The following KIF4B variants were observed in gnomAD, a reference collection of about 807,000 sequenced individuals.
The protein encoded by KIF4B is kinesin family member 4B.
A neutral mutation model predicts 69.0 loss-of-function variants in KIF4B; 60 were observed. The observed-to-expected ratio is 0.87, with a 90% CI of 0.71 to 1.08. KIF4B has a LOEUF of 1.08. Among genes scored for constraint, KIF4B ranks in the 50% least tolerant of loss-of-function variants. The pLI, the probability that KIF4B is intolerant of heterozygous loss-of-function variation, is 0.00. For missense variants in KIF4B, 1,357 were observed against 1,451.9 expected (o/e 0.93, Z 1.06); for synonymous variants, 489 against 533.0 (o/e 0.92, Z 1.14).
rs1461173358 is a variant in KIF4B at position 155,014,874 on chromosome 5, A to G, written c.1015A>G (p.Lys339Glu). The G allele has an allele frequency of 6.2e-7, 1 of 1,614,058 alleles. No homozygotes were observed. Among genetic ancestry groups the G allele is most frequent in the Non-Finnish European group, 8.5e-7 (1 of 1,180,032 alleles). The change falls in exon 1 of 1, where the codon AAA becomes GAA. Residue 339 changes from lysine (K) to glutamate (E), a missense_variant. Coordinates refer to ENST00000435029, the MANE Select transcript of KIF4B (RefSeq NM_001099293.3). ...TGACAGAGCAAGAAAAATCAAGAAC[A>G]AACCTATTGTTAATATTGATCCCCA... is the stretch of plus-strand genomic sequence containing the variant. ...YADRARKIKN[K>E]PIVNIDPHTA...
In KIF4B at chr5:155,013,761, G is replaced by A; in HGVS notation, c.-99G>A. 1 of 1,553,142 alleles carries A rather than the reference G, an allele frequency of 6.4e-7. No individual in the cohort carries two copies. The highest frequency in any genetic ancestry group is 8.7e-7 in the Non-Finnish European group (1 of 1,147,218). ...TGGTTGGTGTCTCTGGGAGGGATTT[G>A]AAACTTGGCGGTTAAAGCTCCGGCT... On this transcript the variant is annotated 5_prime_UTR_variant, in exon 1 of 1. Coordinates refer to ENST00000435029, the MANE Select transcript of KIF4B (RefSeq NM_001099293.3).
chr5:155,015,141 G>GA lies in KIF4B; in HGVS notation c.1287dup (p.Leu430ThrfsTer39). On this transcript the variant is annotated frameshift_variant, in exon 1 of 1. Transcript: ENST00000435029. LOFTEE classifies it high-confidence loss of function. Reference sequence around the variant, plus strand: ...GATCATTTTGACAGAGCAAGTGAATGAAAAACTGAACGCCAAGCTAGAAGA... The same window carrying GA: ...GATCATTTTGACAGAGCAAGTGAATGAAAAAACTGAACGCCAAGCTAGAAGA... 6.2e-7 allele frequency: 1 copy of GA among 1,614,222 alleles called. No individual in the cohort carries two copies. The highest frequency in any genetic ancestry group is 1.1e-5 in the South Asian group (1 of 91,086).
rs932310107 is a variant in KIF4B at position 155,017,637 on chromosome 5, T to A, written c.*73T>A. ...CCAGTTGCAGCCAGAAGGGGTTTTT[T>A]AAATGACTTCTCTGGATTTCAGGTT... On this transcript the variant is annotated 3_prime_UTR_variant, in exon 1 of 1. Transcript: ENST00000435029. 6.6e-7 allele frequency: 1 copy of A among 1,508,810 alleles called. No homozygotes were observed. Among genetic ancestry groups the A allele is most frequent in the Non-Finnish European group, 8.8e-7 (1 of 1,134,268 alleles). The allele number at this position is 1,508,810 out of a possible 1,614,324, so 93.5% of individuals were successfully genotyped here. A position where few individuals can be genotyped will look rare whatever the true frequency, so the allele number is the denominator to read the frequency against.
chr5:155,015,632 A>T lies in KIF4B; in HGVS notation c.1773A>T (p.Gln591His). The T allele has an allele frequency of 6.2e-7, 1 of 1,614,224 alleles. No homozygotes were observed. Among genetic ancestry groups the T allele is most frequent in the Non-Finnish European group, 8.5e-7 (1 of 1,180,040 alleles). ...ELQTAKKNVN[Q>H]AKLSEHRHKL... ...AGACAGCAAAGAAGAATGTCAACCA[A>T]GCCAAGCTGAGTGAGCACCGCCACA... Residue 591 changes from glutamine (Q) to histidine (H), a missense_variant, in exon 1 of 1, where the codon CAA (glutamine) becomes CAT (histidine). Coordinates refer to ENST00000435029, the MANE Select transcript of KIF4B (RefSeq NM_001099293.3).
In KIF4B at chr5:155,017,223, C is replaced by T. The variant is rs181007636; in HGVS notation, c.3364C>T (p.Arg1122Cys). The T allele has an allele frequency of 1.9e-5, 31 of 1,614,126 alleles. No homozygotes were observed. Among genetic ancestry groups the T allele is most frequent in the East Asian group, 1.8e-4 (8 of 44,870 alleles). ...CTGTGACCCCACAAAGTGTCGGAAC[C>T]GCCAGCAAGGCAAGGATAGCTTGGG... The part of the protein sequence containing the change: ...CSCDPTKCRN[R>C]QQGKDSLGTV... Residue 1122 changes from arginine to cysteine, a missense_variant, in exon 1 of 1, where the codon CGC (arginine) becomes TGC (cysteine). Transcript: ENST00000435029.
In KIF4B at chr5:155,015,105, A is replaced by G. The variant is rs773412492; in HGVS notation, c.1246A>G (p.Met416Val). The G allele has an allele frequency of 4.3e-6, 7 of 1,614,096 alleles. No individual in the cohort carries two copies. In the Admixed American group the frequency reaches 5.0e-5, roughly 12 times the overall value. The change falls in exon 1 of 1, where the codon ATG (methionine) becomes GTG (valine). Residue 416 changes from methionine (M) to valine (V), a missense_variant. Transcript: ENST00000435029. ...CAAGGCAGCTGGTCAGACAGCCCAG[A>G]TGTTGGAGAGGATCATTTTGACAGA... ...LSKAAGQTAQMLERIILTEQV... is the reference protein window; with the variant it reads ...LSKAAGQTAQVLERIILTEQV...
chr5:155,017,111 C>T lies in KIF4B; in HGVS notation c.3252C>T (p.Asn1084=), dbSNP rs530590131. Residue 1084 remains asparagine (N), a synonymous_variant, in exon 1 of 1, where the codon AAC becomes AAT. Transcript: ENST00000435029. The part of the protein sequence containing the change: ...PTKLVKVSRK[N]IQGCSCKGWC... The stretch of plus-strand genomic sequence containing the variant: ...AATTAGTCAAGGTGTCCAGGAAGAA[C>T]ATCCAAGGGTGTTCCTGCAAGGGCT... The T allele has an allele frequency of 6.2e-7, 1 of 1,614,132 alleles. No individual in the cohort carries two copies. Among genetic ancestry groups the T allele is most frequent in the South Asian group, 1.1e-5 (1 of 91,080 alleles).
At position 155,017,433 on chromosome 5, in the gene KIF4B, C is replaced by T. The variant is rs755257454; in HGVS notation, c.3574C>T (p.Leu1192Phe). ...TGCTCCAGCTCCCTCCCCTTTTGAC[C>T]TCCCAGAGTCGAAACATGGAGCAAC... ...KTAPAPSPFD[L>F]PESKHGATEY... The change falls in exon 1 of 1, where the codon CTC becomes TTC. Residue 1192 changes from leucine to phenylalanine, a missense_variant. By Grantham distance (22) the Leu-to-Phe change is conservative. Transcript: ENST00000435029. 1.9e-6 allele frequency: 3 copies of T among 1,614,170 alleles called. No homozygotes were observed. In the Admixed American group the frequency reaches 5.0e-5, roughly 27 times the overall value.
chr5:155,016,000 T>C lies in KIF4B; in HGVS notation c.2141T>C (p.Leu714Pro), dbSNP rs563300358. The change falls in exon 1 of 1, where the codon CTC becomes CCC. Residue 714 changes from leucine (L) to proline (P), a missense_variant. Coordinates refer to ENST00000435029, the MANE Select transcript of KIF4B (RefSeq NM_001099293.3). ...TEEAAAANKRLKDALQKQREV... is the reference protein window; with the variant it reads ...TEEAAAANKRPKDALQKQREV... ...GAGGCAGCAGCTGCCAACAAGCGAC[T>C]CAAGGATGCTCTCCAGAAACAACGA... 4 of 1,614,144 alleles carry C rather than the reference T, an allele frequency of 2.5e-6. No homozygotes were observed. In the East Asian group the frequency reaches 8.9e-5, roughly 36 times the overall value.
chr5:155,016,803 C>G lies in KIF4B; in HGVS notation c.2944C>G (p.Gln982Glu). The G allele has an allele frequency of 6.2e-7, 1 of 1,614,174 alleles. No individual in the cohort carries two copies. The highest frequency in any genetic ancestry group is 8.5e-7 in the Non-Finnish European group (1 of 1,180,036). The change falls in exon 1 of 1, where the codon CAG (glutamine) becomes GAG (glutamate). Residue 982 changes from glutamine to glutamate, a missense_variant. Coordinates refer to ENST00000435029, the MANE Select transcript of KIF4B (RefSeq NM_001099293.3). The part of the protein sequence containing the change: ...KMREVCEQNQ[Q>E]LLQENEIIKQ... ...GCGAGAAGTGTGTGAGCAAAATCAG[C>G]AGCTTCTCCAAGAGAATGAAATCAT...
chr5:155,017,466 C>G lies in KIF4B; in HGVS notation c.3607C>G (p.Gln1203Glu). ...PESKHGATEY[Q>E]QNKPPGKKKK... ...GTCGAAACATGGAGCAACAGAATAC[C>G]AACAAAATAAGCCTCCAGGGAAGAA... Residue 1203 changes from glutamine to glutamate, a missense_variant, in exon 1 of 1, where the codon CAA (glutamine) becomes GAA (glutamate). Gln to Glu is a conservative substitution (Grantham distance 29, BLOSUM62 2). Transcript: ENST00000435029. The G allele has an allele frequency of 6.2e-7, 1 of 1,614,062 alleles. No individual in the cohort carries two copies. The highest frequency in any genetic ancestry group is 1.1e-5 in the South Asian group (1 of 91,050).
At position 155,015,453 on chromosome 5, in the gene KIF4B, G is replaced by A. The variant is rs758992898; in HGVS notation, c.1594G>A (p.Ala532Thr). Residue 532 changes from alanine (A) to threonine (T), a missense_variant, in exon 1 of 1, where the codon GCC becomes ACC. Transcript: ENST00000435029. The part of the protein sequence containing the change: ...MSKEVVELNN[A>T]LALKEALVRK... ...TAAGGAGGTGGTTGAGTTGAATAAC[G>A]CCCTTGCACTGAAAGAGGCCCTAGT... 1.1e-5 allele frequency: 18 copies of A among 1,614,016 alleles called. No individual in the cohort carries two copies. The highest frequency in any genetic ancestry group is 2.7e-5 in the African/African-American group (2 of 74,900).
Position 155,015,898 on chromosome 5 carries a change from G to A in KIF4B, c.2039G>A (p.Arg680His), listed in dbSNP as rs17116710. ...KEVIQLKERD[R>H]KRQYELLKLE... ...GTAATACAGTTGAAAGAACGAGACC[G>A]TAAGAGGCAATATGAGCTGCTCAAA... Residue 680 changes from arginine (R) to histidine (H), a missense_variant, in exon 1 of 1, where the codon CGT becomes CAT. Coordinates refer to ENST00000435029, the MANE Select transcript of KIF4B (RefSeq NM_001099293.3). 0.19 allele frequency: 302,343 copies of A among 1,613,976 alleles called. 28,925 individuals are homozygous for A. The highest frequency in any genetic ancestry group is 0.23 in the South Asian group (21,373 of 91,066).
In KIF4B at chr5:155,016,401, G is replaced by A. The variant is rs1321758825; in HGVS notation, c.2542G>A (p.Asp848Asn). The A allele has an allele frequency of 6.2e-7, 1 of 1,614,220 alleles. No homozygotes were observed. The highest frequency in any genetic ancestry group is 8.5e-7 in the Non-Finnish European group (1 of 1,180,042). Reference sequence around the variant, plus strand: ...GAAGCTGCTGGATGCAGAAAGTGAAGATAGGCCAAAACAATGCTGGGAGAA... The same window carrying A: ...GAAGCTGCTGGATGCAGAAAGTGAAAATAGGCCAAAACAATGCTGGGAGAA... ...QQKLLDAESE[D>N]RPKQCWENIA... The change falls in exon 1 of 1, where the codon GAT (aspartate) becomes AAT (asparagine). Residue 848 changes from aspartate (D) to asparagine (N), a missense_variant. Physicochemically the swap from Asp to Asn is conservative, Grantham distance 23 (BLOSUM62 1). Coordinates refer to ENST00000435029, the MANE Select transcript of KIF4B (RefSeq NM_001099293.3).
Position 155,015,774 on chromosome 5 carries a change from G to A in KIF4B, c.1915G>A (p.Glu639Lys). 1 of 1,614,202 alleles carries A rather than the reference G, an allele frequency of 6.2e-7. No individual in the cohort carries two copies. Residue 639 changes from glutamate (E) to lysine (K), a missense_variant, in exon 1 of 1, where the codon GAG (glutamate) becomes AAG (lysine). Physicochemically the swap from Glu to Lys is moderately conservative, Grantham distance 56 (BLOSUM62 1). Coordinates refer to ENST00000435029, the MANE Select transcript of KIF4B (RefSeq NM_001099293.3). ...GCGTACTGTCTCCAAGCTGAACCAA[G>A]AGATATGGATGATGAAAAACCAGCG... ...TERTVSKLNQ[E>K]IWMMKNQRVQ... is the part of the protein sequence containing the mutation.
chr5:155,014,868 A>G lies in KIF4B; in HGVS notation c.1009A>G (p.Lys337Glu). The G allele has an allele frequency of 6.2e-7, 1 of 1,614,186 alleles. No individual in the cohort carries two copies. Among genetic ancestry groups the G allele is most frequent in the Non-Finnish European group, 8.5e-7 (1 of 1,180,030 alleles). The change falls in exon 1 of 1, where the codon AAG becomes GAG. Residue 337 changes from lysine to glutamate, a missense_variant. Physicochemically the swap from Lys to Glu is moderately conservative, Grantham distance 56. Transcript: ENST00000435029. ...LRYADRARKI[K>E]NKPIVNIDPH... ...CTATGCTGACAGAGCAAGAAAAATCAAGAACAAACCTATTGTTAATATTGA... is the reference window on the plus strand; with the variant it reads ...CTATGCTGACAGAGCAAGAAAAATCGAGAACAAACCTATTGTTAATATTGA...
In KIF4B at chr5:155,015,462, C is replaced by T; in HGVS notation, c.1603C>T (p.Leu535=). Reference sequence around the variant, plus strand: ...GGTTGAGTTGAATAACGCCCTTGCACTGAAAGAGGCCCTAGTTAGGAAGAT... The same window carrying T: ...GGTTGAGTTGAATAACGCCCTTGCATTGAAAGAGGCCCTAGTTAGGAAGAT... ...EVVELNNALA[L]KEALVRKMTQ... is the part of the protein sequence containing the mutation. Residue 535 remains leucine (L), a synonymous_variant, in exon 1 of 1, where the codon CTG becomes TTG. Coordinates refer to ENST00000435029, the MANE Select transcript of KIF4B (RefSeq NM_001099293.3). 1.9e-6 allele frequency: 3 copies of T among 1,614,154 alleles called. No homozygotes were observed. In the East Asian group the frequency reaches 6.7e-5, roughly 36 times the overall value.
rs1765337011 is a variant in KIF4B, at chr5:155,016,612, C to T, written c.2753C>T (p.Ala918Val). Residue 918 changes from alanine to valine, a missense_variant, in exon 1 of 1, where the codon GCT becomes GTT. Transcript: ENST00000435029. The stretch of plus-strand genomic sequence containing the variant: ...TCTGAGATAGAGACAGAGTTACAAG[C>T]TGAGCTGGTCAGAATGGAGCAACAG... ...HFSEIETELQ[A>V]ELVRMEQQHQ... 2 of 1,614,084 alleles carry T rather than the reference C, an allele frequency of 1.2e-6. No individual in the cohort carries two copies. The highest frequency in any genetic ancestry group is 2.2e-5 in the South Asian group (2 of 91,088).
rs763676618 is a variant in KIF4B at position 155,017,409 on chromosome 5, G to C, written c.3550G>C (p.Ala1184Pro). Residue 1184 changes from alanine (A) to proline (P), a missense_variant, in exon 1 of 1, where the codon GCT (alanine) becomes CCT (proline). By Grantham distance (27) the Ala-to-Pro change is conservative. Transcript: ENST00000435029. ...GGAGCAGGTGCTGTCAAAGAAGACT[G>C]CTCCAGCTCCCTCCCCTTTTGACCT... The part of the protein sequence containing the change: ...DMEQVLSKKT[A>P]PAPSPFDLPE... 5 of 1,614,182 alleles carry C rather than the reference G, an allele frequency of 3.1e-6. No homozygotes were observed. Among genetic ancestry groups the C allele is most frequent in the Non-Finnish European group, 4.2e-6 (5 of 1,180,042 alleles).
Sources: allele counts gnomAD v4.1 joint callset, GRCh38; gene constraint gnomAD v4.1.1; transcripts MANE v1.5; gene names NCBI Gene and HGNC (gene_info 2026-07-23, HGNC 2026-07-21).